ENPP6: variants seen among roughly 807,000 people sequenced by gnomAD.
The protein encoded by ENPP6 is glycerophosphocholine cholinephosphodiesterase ENPP6.
In ENPP6, 32 loss-of-function variants were observed where a neutral mutation model predicts 42.0. That is an observed-to-expected ratio of 0.76 (90% CI 0.58 to 1.02). The LOEUF is 1.02. Among genes scored for constraint, ENPP6 ranks in the 50% least tolerant of loss-of-function variants. The pLI is 0.00. For missense variants in ENPP6, 552 were observed against 566.8 expected, an observed-to-expected ratio of 0.97 and a Z score of 0.27; for synonymous variants, 213 against 216.0, an observed-to-expected ratio of 0.99 and a Z score of 0.12.
intron 6 of ENPP6, 83 bp from the exon 7 acceptor site, chr4:184,097,451 CGGGG>C: frequency 6.4e-7 from 1 of 1,573,210 alleles, no homozygotes; most frequent in Non-Finnish European, 8.6e-7. Context: ...GCCACTCCAC[CGGGG>C]GGCGCTTTCC....
chr4:184,109,674 A>G lies in ENPP6; in HGVS notation c.993+2998T>C, dbSNP rs913351150. Among the ~76,000 whole-genome samples the G allele has an allele frequency of 7.2e-5, 11 of 152,266 alleles. No homozygotes were observed. In the East Asian group the frequency reaches 1.3e-3, roughly 19 times the overall value. On this transcript the variant is annotated intron_variant, in intron 6 of 7. Coordinates refer to ENST00000296741, the MANE Select transcript of ENPP6 (RefSeq NM_153343.4). ...AGTTTCTACTTCACTTATCTTTGAA[A>G]TTACCTCAAATCTTCCTTTGGAAGT...
intron 1 of ENPP6, among the ~76,000 whole-genome samples, chr4:184,202,994 A>G (rs1350020390): frequency 2.0e-5 from 3 of 152,192 alleles, no homozygotes; most frequent in Non-Finnish European, 2.9e-5. Context: ...CTGTAATCCC[A>G]GCACTTTGGG....
chr4:184,138,522 T>C (rs1736767434), intron 2 of ENPP6, among the ~76,000 whole-genome samples: 1 of 152,264 alleles, frequency 6.6e-6, no homozygotes, highest in Admixed American at 6.5e-5. Context: ...CTAAGGCATT[T>C]ATATACCATG....
chr4:184,145,399 T>C (rs1362325830), intron 2 of ENPP6, among the ~76,000 whole-genome samples: 4 of 152,212 alleles, frequency 2.6e-5, no homozygotes, highest in Admixed American at 2.0e-4. Flanking sequence ...AAATGACACA[T>C]TTTGTTTTCC....
intron 1 of ENPP6, among the ~76,000 whole-genome samples, chr4:184,166,572 A>G (rs1003695419): frequency 1.3e-5 from 2 of 152,270 alleles, no homozygotes; most frequent in African/African-American, 4.8e-5. Context: ...AAGCTCAAAG[A>G]AATTTCCTGA....
intron 5 of ENPP6, 87 bp downstream of exon 5, chr4:184,116,769 C>T: frequency 1.3e-6 from 2 of 1,524,548 alleles, no homozygotes; most frequent in Non-Finnish European, 8.8e-7. Flanking sequence ...CAAAACAAAA[C>T]AAAAAAACTA....
intron 1 of ENPP6, among the ~76,000 whole-genome samples, chr4:184,200,707 C>T (rs1005145620): frequency 6.6e-6 from 1 of 152,218 alleles, no homozygotes; most frequent in African/African-American, 2.4e-5. Flanking sequence ...GCTTCGCAGC[C>T]TGCCCTGTGC....
chr4:184,113,935 C>A (rs1252456740), intron 5 of ENPP6, among the ~76,000 whole-genome samples: 3 of 140,264 alleles, frequency 2.1e-5, no homozygotes, highest in Admixed American at 7.4e-5. Flanking sequence ...TTCTTTCTTT[C>A]TTTCTTTCTT....
chr4:184,153,177 G>C (rs912586850), intron 2 of ENPP6, among the ~76,000 whole-genome samples: 1 of 149,934 alleles, frequency 6.7e-6, no homozygotes, highest in South Asian at 2.1e-4. Flanking sequence ...CCAGACTGGA[G>C]TGCAATGGCG....
At chr4:184,179,151 C>A (rs562153084) in intron 1 of ENPP6, among the ~76,000 whole-genome samples, 1 of 152,150 alleles carries the variant, frequency 6.6e-6, no homozygotes, top group African/African-American at 2.4e-5. Context: ...GAAAGATACA[C>A]ATAAGCTCAA....
At chr4:184,138,461 T>G (rs76894005) in intron 2 of ENPP6, among the ~76,000 whole-genome samples, 3,586 of 152,318 alleles carry the variant, frequency 0.024, 157 homozygotes, top group African/African-American at 0.081. Context: ...TGTTACTGGA[T>G]TCACTCACTT....
intron 6 of ENPP6, among the ~76,000 whole-genome samples, chr4:184,101,332 G>A (rs1736001169): frequency 6.8e-6 from 1 of 147,784 alleles, no homozygotes; most frequent in African/African-American, 2.6e-5. Flanking sequence ...GTGTGTGTGT[G>A]TGTGTGTGTG....
intron 3 of ENPP6, among the ~76,000 whole-genome samples, chr4:184,119,732 G>T (rs1736383919): frequency 6.6e-6 from 1 of 152,132 alleles, no homozygotes; most frequent in African/African-American, 2.4e-5. Flanking sequence ...TTGGAGCATG[G>T]GGGCTATTCT....
chr4:184,147,523 G>A (rs1030525552), intron 2 of ENPP6, among the ~76,000 whole-genome samples: 1 of 152,204 alleles, frequency 6.6e-6, no homozygotes, highest in Non-Finnish European at 1.5e-5. Flanking sequence ...GCTCATGCCT[G>A]TAATCCCAGC....
At chr4:184,133,481 C>T (rs1736678788) in intron 2 of ENPP6, among the ~76,000 whole-genome samples, 1 of 152,000 alleles carries the variant, frequency 6.6e-6, no homozygotes, top group South Asian at 2.1e-4. Context: ...TATCAAAATG[C>T]CTCTTATTAA....
At chr4:184,142,137 C>T (rs538591405) in intron 2 of ENPP6, among the ~76,000 whole-genome samples, 53 of 152,298 alleles carry the variant, frequency 3.5e-4, no homozygotes, top group African/African-American at 1.3e-3. Flanking sequence ...GAAGGAGACT[C>T]GCTTCCTGGC....
chr4:184,180,758 A>G (rs1038075177), intron 1 of ENPP6, among the ~76,000 whole-genome samples: 44 of 152,296 alleles, frequency 2.9e-4, no homozygotes, highest in African/African-American at 1.0e-3. Flanking sequence ...AATGACAAAA[A>G]CCACATGATT....
At chr4:184,178,849 T>C (rs1233141560) in intron 1 of ENPP6, among the ~76,000 whole-genome samples, 5 of 152,174 alleles carry the variant, frequency 3.3e-5, no homozygotes, top group Admixed American at 6.5e-5. Context: ...CACCACCAGG[T>C]CTGTGTTGCA....
Position 184,153,746 on chromosome 4 carries a change from G to C in ENPP6, c.242-13C>G. ...TCACAATGGCGGCCTATGTCAATGAGAACACAGCTGTCAGTTTACGGTTCT... is the reference window on the plus strand; with the variant it reads ...TCACAATGGCGGCCTATGTCAATGACAACACAGCTGTCAGTTTACGGTTCT... On this transcript the variant is annotated splice_polypyrimidine_tract_variant and intron_variant, in intron 1 of 7. Coordinates refer to ENST00000296741, the MANE Select transcript of ENPP6 (RefSeq NM_153343.4). The C allele has an allele frequency of 6.2e-7, 1 of 1,610,948 alleles. No homozygotes were observed. The highest frequency in any genetic ancestry group is 8.5e-7 in the Non-Finnish European group (1 of 1,178,612).
Sources: gnomAD v4.1 joint callset for allele counts (sites outside exome capture counted in the v4.1 genomes callset) on GRCh38, gnomAD v4.1.1 for gene constraint, MANE v1.5 for transcripts, NCBI Gene and HGNC (gene_info 2026-07-23, HGNC 2026-07-21) for gene names.